Variants in ROBO2 observed in about 807,000 individuals in gnomAD.
ROBO2 encodes the protein roundabout homolog 2.
In ROBO2, 53 loss-of-function variants were observed where a neutral mutation model predicts 160.8. That is an observed-to-expected ratio of 0.33 (90% CI 0.26 to 0.41). ROBO2 has a LOEUF of 0.41. Ranked by LOEUF, ROBO2 falls within the 10% of genes least tolerant of loss-of-function variation. The probability of loss-of-function intolerance (pLI) is 1.00; values close to 1 mark genes in which losing one functional copy is unlikely to be tolerated. For synonymous variants in ROBO2, 664 were observed against 611.7 expected, an observed-to-expected ratio of 1.09 and a Z score of -1.26; for missense variants, 1,577 against 1,722.4, an observed-to-expected ratio of 0.92 and a Z score of 1.49.
At chr3:76,312,272 A>T (rs958953914) in intron 2 of ROBO2, among the ~76,000 whole-genome samples, 1 of 152,114 alleles carries the variant, frequency 6.6e-6, no homozygotes, top group African/African-American at 2.4e-5. Context: ...TGGCTGTAAA[A>T]ATGTTTCTGA....
At chr3:77,136,522 G>C (rs895641585) in intron 2 of ROBO2, among the ~76,000 whole-genome samples, 30 of 105,518 alleles carry the variant, frequency 2.8e-4, no homozygotes, top group African/African-American at 1.1e-3. Flanking sequence ...ATAGGGTTTT[G>C]CTCTGTCACA....
intron 2 of ROBO2, among the ~76,000 whole-genome samples, chr3:77,307,812 G>T (rs765505627): frequency 1.6e-4 from 25 of 152,148 alleles, no homozygotes; most frequent in Non-Finnish European, 3.2e-4. Context: ...GAACCCCTGA[G>T]GTGGTGGTTG....
chr3:77,164,869 C>T lies in ROBO2; in HGVS notation c.388+66529C>T, dbSNP rs1476897999. Among the ~76,000 whole-genome samples the T allele has an allele frequency of 4.7e-5, 3 of 63,780 alleles. 1 individual carries two copies. Among genetic ancestry groups the T allele is most frequent in the East Asian group, 5.2e-4 (2 of 3,852 alleles). 41.8% of individuals were successfully genotyped at this position (63,780 alleles called of 152,430 possible). On this transcript the variant is annotated intron_variant, in intron 2 of 25. Coordinates refer to ENST00000461745, the Ensembl canonical transcript of ROBO2. ...GGAGCCCCTCAGCCCGGCCAGCCAC[C>T]CCGTCCGGGAGGGAGGTGGGGGGGT...
chr3:76,303,526 T>C (rs972419991), intron 2 of ROBO2, among the ~76,000 whole-genome samples: 5 of 152,108 alleles, frequency 3.3e-5, no homozygotes, highest in African/African-American at 7.2e-5. Flanking sequence ...ACACAACTTG[T>C]TGAATCAAAA....
At chr3:76,124,286 A>G (rs2070876375) in intron 2 of ROBO2, among the ~76,000 whole-genome samples, 1 of 152,238 alleles carries the variant, frequency 6.6e-6, no homozygotes, top group African/African-American at 2.4e-5. Flanking sequence ...GAATCTTTAT[A>G]TCTTCTAGCT....
intron 2 of ROBO2, among the ~76,000 whole-genome samples, chr3:76,245,265 A>T (rs1705547470): frequency 6.6e-6 from 1 of 152,198 alleles, no homozygotes; most frequent in South Asian, 2.1e-4. Flanking sequence ...GGTCGGCCAG[A>T]GCTTGAACCC....
intron 2 of ROBO2, among the ~76,000 whole-genome samples, chr3:76,484,935 T>C (rs189627883): frequency 8.1e-4 from 124 of 152,260 alleles, no homozygotes; most frequent in African/African-American, 2.9e-3. Flanking sequence ...CGCAGGGCCC[T>C]ATTTGGTCAA....
intron 2 of ROBO2, among the ~76,000 whole-genome samples, chr3:77,327,115 A>G (rs2065474584): frequency 6.6e-6 from 1 of 152,350 alleles, no homozygotes; most frequent in South Asian, 2.1e-4. Context: ...AATTTATCAT[A>G]GAAATGTTGT....
At chr3:77,336,858 C>T (rs906263587) in intron 2 of ROBO2, among the ~76,000 whole-genome samples, 5 of 152,144 alleles carry the variant, frequency 3.3e-5, no homozygotes, top group African/African-American at 1.2e-4. Flanking sequence ...ATTGGTGATG[C>T]CTTTCCCAAG....
At chr3:76,273,557 G>A (rs907253802) in intron 2 of ROBO2, among the ~76,000 whole-genome samples, 2 of 152,156 alleles carry the variant, frequency 1.3e-5, no homozygotes, top group East Asian at 1.9e-4. Context: ...AAGCAAATAC[G>A]TCATTCTTCA....
At chr3:75,929,424 G>A (rs1291909817) in intron 1 of ROBO2, among the ~76,000 whole-genome samples, 2 of 151,978 alleles carry the variant, frequency 1.3e-5, no homozygotes, top group African/African-American at 2.4e-5. Flanking sequence ...GTTCCATATT[G>A]CTTTGTAATT....
chr3:76,844,185 G>A (rs1432504797), intron 2 of ROBO2, among the ~76,000 whole-genome samples: 6 of 151,900 alleles, frequency 3.9e-5, no homozygotes, highest in South Asian at 2.1e-4. Context: ...TTCATGCAAC[G>A]TCATTTGCAA....
upstream of ROBO2, among the ~76,000 whole-genome samples, chr3:77,039,687 C>T (rs547489888): frequency 1.3e-5 from 2 of 152,072 alleles, no homozygotes; most frequent in Non-Finnish European, 2.9e-5. Flanking sequence ...CACTCCCCAG[C>T]GGGCGGGTGG....
At chr3:76,212,813 T>G (rs188021776) in intron 2 of ROBO2, among the ~76,000 whole-genome samples, 20 of 150,558 alleles carry the variant, frequency 1.3e-4, no homozygotes, top group African/African-American at 4.6e-4. Flanking sequence ...AAGGTTCACA[T>G]GTGAGATACC....
At chr3:76,406,147 T>A (rs1395505382) in intron 2 of ROBO2, among the ~76,000 whole-genome samples, 2 of 151,782 alleles carry the variant, frequency 1.3e-5, no homozygotes, top group Admixed American at 6.6e-5. Flanking sequence ...TCAAAACACT[T>A]AGAATATTTC....
intron 6 of ROBO2, among the ~76,000 whole-genome samples, chr3:77,525,580 G>A (rs12491509): frequency 0.11 from 15,848 of 150,832 alleles, 1,050 homozygotes; most frequent in Middle Eastern, 0.18. Context: ...CTTTTTAAAT[G>A]GCTTAAAAAT....
chr3:76,993,487 A>G (rs2060808572), intron 2 of ROBO2, among the ~76,000 whole-genome samples: 1 of 152,200 alleles, frequency 6.6e-6, no homozygotes, highest in Non-Finnish European at 1.5e-5. Flanking sequence ...ATTTTGATAT[A>G]GTGCTTGAAA....
intron 2 of ROBO2, among the ~76,000 whole-genome samples, chr3:77,287,234 A>G (rs2060668287): frequency 6.6e-6 from 1 of 152,196 alleles, no homozygotes; most frequent in Non-Finnish European, 1.5e-5. Flanking sequence ...ACATGCTACC[A>G]TTAGAGACTT....
intron 2 of ROBO2, among the ~76,000 whole-genome samples, chr3:77,374,410 T>A (rs912743623): frequency 6.6e-6 from 1 of 152,084 alleles, no homozygotes; most frequent in Admixed American, 6.6e-5. Context: ...AATAGATAAC[T>A]GTTGACAAGT....
Sources: allele counts gnomAD v4.1 joint callset (sites outside exome capture counted in the v4.1 genomes callset), GRCh38; gene constraint gnomAD v4.1.1; transcripts MANE v1.5; gene names NCBI Gene and HGNC (gene_info 2026-07-23, HGNC 2026-07-21).